ULK4: variants seen among roughly 807,000 people sequenced by gnomAD.
ULK4 encodes the protein inactive serine/threonine-protein kinase ULK4.
A neutral mutation model predicts 160.6 loss-of-function variants in ULK4; 133 were observed. The observed-to-expected ratio is 0.83, with a 90% confidence interval of 0.72 to 0.96. ULK4 has a LOEUF of 0.96. ULK4 is among the 40% of genes least tolerant of loss of function. ULK4 has a pLI of 0.00. For synonymous variants in ULK4, 534 were observed against 539.8 expected (o/e 0.99, Z 0.15); for missense variants, 1,580 against 1,499.5 (o/e 1.05, Z -0.89).
intron 30 of ULK4, among the ~76,000 whole-genome samples, chr3:41,643,845 G>C (rs1300204666): frequency 1.3e-5 from 2 of 152,210 alleles, no homozygotes; most frequent in East Asian, 3.9e-4. Context: ...TCTTCCATTT[G>C]TTTGTATCCT....
Position 41,936,932 on chromosome 3 carries a change from G to A in ULK4, c.239-992C>T, listed in dbSNP as rs183188382. On this transcript the variant is annotated intron_variant, in intron 3 of 36. Coordinates refer to ENST00000301831, the MANE Select transcript of ULK4 (RefSeq NM_017886.4). ...GAATATAATTGGATTGTAACACAAA[G>A]GATAAACGCTTGAGGAAATGGATAC... Among the ~76,000 whole-genome samples, 4 of 152,216 alleles carry A rather than the reference G, an allele frequency of 2.6e-5. No individual in the cohort carries two copies. The East Asian group carries it at 7.7e-4, about 29-fold the overall frequency.
chr3:41,249,383 G>A, intron 36 of ULK4, 106 bp downstream of exon 36: 1 of 1,030,932 alleles, frequency 9.7e-7, no homozygotes, highest in South Asian at 1.6e-5. Context: ...CTGGAAGGTG[G>A]TAGTCCCTGG....
chr3:41,918,181 G>A (rs985871430), intron 7 of ULK4, among the ~76,000 whole-genome samples: 1 of 152,118 alleles, frequency 6.6e-6, no homozygotes. Flanking sequence ...TCACATAAGG[G>A]TTTAAGTTTT....
At position 41,413,069 on chromosome 3, in the gene ULK4, C is replaced by T. The variant is rs146396723; in HGVS notation, c.3493-14805G>A. On this transcript the variant is annotated intron_variant, in intron 34 of 36. Coordinates refer to ENST00000301831, the MANE Select transcript of ULK4 (RefSeq NM_017886.4). ...TTACAGCTCCACATGGCTGGGGAGG[C>T]CTCACAATCATGGCGGAAGGTGAAA... Among the ~76,000 whole-genome samples the T allele has an allele frequency of 2.6e-5, 4 of 152,148 alleles. No homozygotes were observed. The East Asian group carries it at 5.8e-4, about 22-fold the overall frequency.
intron 32 of ULK4, among the ~76,000 whole-genome samples, chr3:41,470,044 A>AAAAAAAAAAAAAAAAAC (rs1415943037): frequency 4.3e-5 from 5 of 116,688 alleles, no homozygotes; most frequent in South Asian, 2.7e-4. Context: ...AAAAAAAAAA[A>AAAAAAAAAAAAAAAAAC]AACAAAGTAT....
At chr3:41,738,023 G>A (rs60423483) in intron 22 of ULK4, among the ~76,000 whole-genome samples, 1 of 151,680 alleles carries the variant, frequency 6.6e-6, no homozygotes, top group Non-Finnish European at 1.5e-5. Context: ...TAAGCCATAT[G>A]AACATAAAAC....
At chr3:41,413,946 T>C (rs369900251) in intron 34 of ULK4, among the ~76,000 whole-genome samples, 4 of 152,240 alleles carry the variant, frequency 2.6e-5, no homozygotes, top group South Asian at 4.1e-4. Context: ...GGCTCACGCC[T>C]GTAATCCCAG....
At chr3:41,616,324 A>C (rs569178290) in intron 30 of ULK4, among the ~76,000 whole-genome samples, 22 of 152,306 alleles carry the variant, frequency 1.4e-4, no homozygotes, top group African/African-American at 4.8e-4. Context: ...TTGATTAAGA[A>C]CAATATTTGT....
chr3:41,463,257 A>G lies in ULK4; in HGVS notation c.3227-4T>C. On this transcript the variant is annotated splice_region_variant and splice_polypyrimidine_tract_variant and intron_variant, in intron 32 of 36. Transcript: ENST00000301831. Reference sequence around the variant, plus strand: ...TTACAGATGTGACTGACAAGTCCTGAGGGTAAAAAAGGAAAAGAAAAAAAC... The same window carrying G: ...TTACAGATGTGACTGACAAGTCCTGGGGGTAAAAAAGGAAAAGAAAAAAAC... 1.9e-6 allele frequency: 3 copies of G among 1,605,482 alleles called. No individual in the cohort carries two copies. The highest frequency in any genetic ancestry group is 2.6e-6 in the Non-Finnish European group (3 of 1,175,448).
intron 35 of ULK4, among the ~76,000 whole-genome samples, chr3:41,363,633 C>G (rs1449542304): frequency 1.3e-5 from 2 of 152,126 alleles, no homozygotes; most frequent in Non-Finnish European, 1.5e-5. Context: ...AGAAATGGGC[C>G]TTTACTAAAG....
At chr3:41,669,914 A>G (rs1390335066) in intron 29 of ULK4, among the ~76,000 whole-genome samples, 1 of 152,240 alleles carries the variant, frequency 6.6e-6, no homozygotes, top group Non-Finnish European at 1.5e-5. Context: ...AGTACTAAGT[A>G]AATCTCACCA....
intron 32 of ULK4, among the ~76,000 whole-genome samples, chr3:41,536,576 G>A (rs1261665501): frequency 2.6e-5 from 4 of 152,234 alleles, no homozygotes; most frequent in Admixed American, 6.5e-5. Flanking sequence ...GATTTTGCAC[G>A]TATTATGTAT....
chr3:41,954,400 C>A (rs999022552), intron 2 of ULK4, among the ~76,000 whole-genome samples: 3 of 150,488 alleles, frequency 2.0e-5, no homozygotes, highest in African/African-American at 7.3e-5. Flanking sequence ...TACCCACCCC[C>A]AAAAAAAAGA....
intron 29 of ULK4, among the ~76,000 whole-genome samples, chr3:41,671,865 A>G (rs1361977341): frequency 6.6e-6 from 1 of 152,132 alleles, no homozygotes; most frequent in African/African-American, 2.4e-5. Context: ...AACTCAACTC[A>G]GCAGTAAAAA....
At chr3:41,329,380 T>A (rs973849558) in intron 35 of ULK4, among the ~76,000 whole-genome samples, 11 of 152,224 alleles carry the variant, frequency 7.2e-5, no homozygotes, top group Non-Finnish European at 1.5e-4. Flanking sequence ...TTTGTATTGA[T>A]GTTTACTTTT....
intron 31 of ULK4, among the ~76,000 whole-genome samples, chr3:41,613,314 ATCT>A (rs1463021473): frequency 1.3e-5 from 2 of 152,216 alleles, no homozygotes; most frequent in African/African-American, 4.8e-5. Context: ...TAGAATTTTT[ATCT>A]TCTTTTTATT....
intron 4 of ULK4, 25 bp from the exon 5 acceptor site, chr3:41,932,031 CA>C: frequency 6.3e-7 from 1 of 1,594,026 alleles, no homozygotes; most frequent in Non-Finnish European, 8.5e-7. Context: ...TAAATGTTTT[CA>C]GAAAAAAAAT....
intron 30 of ULK4, among the ~76,000 whole-genome samples, chr3:41,659,780 G>A (rs73828207): frequency 0.1 from 15,866 of 151,936 alleles, 1,574 homozygotes; most frequent in African/African-American, 0.25. Context: ...ATTTATGAGA[G>A]TATTCATTAT....
In ULK4 at chr3:41,548,790, C is replaced by G. The variant is rs867284133; in HGVS notation, c.3226+17235G>C. ...CCATCCAGGGACCCAAAGACAGGCA[C>G]CCTCAGGTCACTGCCGCCGCCACCA... On this transcript the variant is annotated intron_variant, in intron 32 of 36. Coordinates refer to ENST00000301831, the MANE Select transcript of ULK4 (RefSeq NM_017886.4). 6.5e-4 allele frequency among the ~76,000 whole-genome samples: 99 copies of G among 152,102 alleles called. No homozygotes were observed. In the Middle Eastern group the frequency reaches 0.01, roughly 16 times the overall value.
Sources: allele counts gnomAD v4.1 joint callset (sites outside exome capture counted in the v4.1 genomes callset), GRCh38; gene constraint gnomAD v4.1.1; transcripts MANE v1.5; gene names NCBI Gene and HGNC (gene_info 2026-07-23, HGNC 2026-07-21).